The following ACACB variants were observed in gnomAD, a reference collection of about 807,000 sequenced individuals.
ACACB encodes the protein acetyl-CoA carboxylase beta.
A neutral mutation model predicts 278.8 loss-of-function variants in ACACB; 209 were observed. That is an observed-to-expected ratio of 0.75 (90% CI 0.67 to 0.84). The LOEUF (loss-of-function observed/expected upper bound fraction) is 0.84. Among genes scored for constraint, ACACB ranks in the 40% least tolerant of loss-of-function variants. ACACB has a pLI of 0.00. For missense variants in ACACB, 2,850 were observed against 3,269.0 expected, an observed-to-expected ratio of 0.87 and a Z score of 3.13; for synonymous variants, 1,174 against 1,285.6, an observed-to-expected ratio of 0.91 and a Z score of 1.86.
intron 6 of ACACB, among the ~76,000 whole-genome samples, chr12:109,172,606 A>G (rs2044156473): frequency 6.6e-6 from 1 of 152,220 alleles, no homozygotes; most frequent in Non-Finnish European, 1.5e-5. Flanking sequence ...TATGAAAAAA[A>G]GCTCAACATC....
intron 2 of ACACB, among the ~76,000 whole-genome samples, chr12:109,147,451 G>C (rs1199434317): frequency 6.9e-6 from 1 of 145,828 alleles, no homozygotes; most frequent in Non-Finnish European, 1.5e-5. Flanking sequence ...CACCATGTTG[G>C]CTAGGCTGGT....
chr12:109,208,017 T>A (rs2045571974), intron 20 of ACACB, among the ~76,000 whole-genome samples: 1 of 151,954 alleles, frequency 6.6e-6, no homozygotes, highest in South Asian at 2.1e-4. Flanking sequence ...AATCATTTCA[T>A]CCTCCCAGCA....
chr12:109,241,182 C>A lies in ACACB; in HGVS notation c.4923C>A (p.Thr1641=), dbSNP rs375839386. Residue 1641 remains threonine, a synonymous_variant, in exon 36 of 53, where the codon ACC becomes ACA. Coordinates refer to ENST00000338432, the MANE Select transcript of ACACB (RefSeq NM_001093.4). ...EVKINIRQTT[T]GSAVPIRLFI... ...AGATCAACATCCGCCAGACCACCACCGGCAGTGCCGTTCCCATCCGCCTGT... is the reference window on the plus strand; with the variant it reads ...AGATCAACATCCGCCAGACCACCACAGGCAGTGCCGTTCCCATCCGCCTGT... 3 of 1,614,044 alleles carry A rather than the reference C, an allele frequency of 1.9e-6. No homozygotes were observed. The African/African-American group carries it at 4.0e-5, about 22-fold the overall frequency.
chr12:109,227,441 C>T lies in ACACB; in HGVS notation c.3953C>T (p.Thr1318Ile), dbSNP rs755091102. 1.2e-6 allele frequency: 2 copies of T among 1,613,992 alleles called. No homozygotes were observed. The highest frequency in any genetic ancestry group is 2.2e-5 in the East Asian group (1 of 44,884). Residue 1318 changes from threonine (T) to isoleucine (I), a missense_variant, in exon 28 of 53, where the codon ACC (threonine) becomes ATC (isoleucine). This residue lies in a region of ACACB where 2,265 missense variants were observed against 2,561.3 expected (regional missense o/e 0.88). Transcript: ENST00000338432. ...SLQHRQLPDG[T>I]CVVEFQFMLP... ...CAGCACCGGCAGCTCCCGGACGGCA[C>T]CTGCGTGGTAGAATTCCAGTTCATG...
chr12:109,252,161 C>A lies in ACACB; in HGVS notation c.5901+5C>A. On this transcript the variant is annotated splice_donor_5th_base_variant and intron_variant, in intron 42 of 52. Coordinates refer to ENST00000338432, the MANE Select transcript of ACACB (RefSeq NM_001093.4). ...GGAGCAAGTGCTCTCAACAAGGTGA[C>A]CAAAAAGGGGCCTGTGCAGAGTGGA... 6.2e-7 allele frequency: 1 copy of A among 1,600,610 alleles called. No individual in the cohort carries two copies. Among genetic ancestry groups the A allele is most frequent in the South Asian group, 1.1e-5 (1 of 88,882 alleles).
chr12:109,123,180 C>T (rs1357772880), intron 1 of ACACB, among the ~76,000 whole-genome samples: 1 of 121,948 alleles, frequency 8.2e-6, no homozygotes, highest in Non-Finnish European at 1.7e-5. Context: ...GACTCCATCT[C>T]AAAAAAAAAA....
chr12:109,216,533 T>G (rs900892266), intron 22 of ACACB, 85 bp from the exon 23 acceptor site: 274 of 1,420,054 alleles, frequency 1.9e-4, no homozygotes, highest in Non-Finnish European at 2.5e-4. Flanking sequence ...CCTTTCTCTT[T>G]TTAAAAATCA....
At chr12:109,225,364 TTTTA>T (rs941863228) in intron 27 of ACACB, among the ~76,000 whole-genome samples, 78 of 152,342 alleles carry the variant, frequency 5.1e-4, no homozygotes, top group African/African-American at 1.7e-3. Context: ...TTTTGGGTTT[TTTTA>T]TTTGTTTTGT....
chr12:109,236,764 T>C (rs2046642187), intron 33 of ACACB, among the ~76,000 whole-genome samples: 1 of 152,052 alleles, frequency 6.6e-6, no homozygotes, highest in Admixed American at 6.5e-5. Flanking sequence ...TCAGTTTAGT[T>C]TCCAGTACTG....
At chr12:109,137,805 G>A (rs1210938220) in intron 1 of ACACB, among the ~76,000 whole-genome samples, 1 of 151,914 alleles carries the variant, frequency 6.6e-6, no homozygotes, top group Non-Finnish European at 1.5e-5. Context: ...AATTTTTTTT[G>A]AAATAGGGTC....
chr12:109,199,536 G>C lies in ACACB; in HGVS notation c.2762G>C (p.Ser921Thr), dbSNP rs1159716906. Residue 921 changes from serine to threonine, a missense_variant, in exon 18 of 53, where the codon AGC becomes ACC. Ser to Thr is a moderately conservative substitution (Grantham distance 58). Transcript: ENST00000338432. ...EDGGHVEAGS[S>T]YAEMEVMKMI... is the part of the protein sequence containing the mutation. ...GGGGGCCACGTTGAGGCTGGGAGCA[G>C]CTACGCTGAGATGGAGGTGACTGCA... 6.7e-7 allele frequency: 1 copy of C among 1,489,928 alleles called. No individual in the cohort carries two copies. Among genetic ancestry groups the C allele is most frequent in the Non-Finnish European group, 9.0e-7 (1 of 1,115,824 alleles). The allele number at this position is 1,489,928 out of a possible 1,614,324, so 92.3% of individuals were successfully genotyped here.
chr12:109,231,910 A>T (rs1053942285), intron 28 of ACACB, among the ~76,000 whole-genome samples: 1 of 152,210 alleles, frequency 6.6e-6, no homozygotes. Flanking sequence ...GGTGTTCAGC[A>T]TAAACCACAC....
At chr12:109,196,964 G>T (rs1481198532) in intron 16 of ACACB, 44 bp from the exon 17 acceptor site, 19 of 1,504,248 alleles carry the variant, frequency 1.3e-5, no homozygotes, top group Non-Finnish European at 8.8e-6. Context: ...TGCTCTGGGA[G>T]CACATCCTGA....
intron 41 of ACACB, among the ~76,000 whole-genome samples, chr12:109,250,759 G>A (rs2136749453): frequency 6.6e-6 from 1 of 152,258 alleles, no homozygotes; most frequent in South Asian, 2.1e-4. Context: ...ATGGGTCTAA[G>A]GCAGAGTGAG....
rs577079142 is a variant in ACACB, at chr12:109,230,475, T to TGTGACATATGTCACCCAG, written c.4002-2193_4002-2192insTGACATATGTCACCCAGG. Among the ~76,000 whole-genome samples the TGTGACATATGTCACCCAG allele has an allele frequency of 5.6e-3, 854 of 152,266 alleles. 6 individuals carry two copies. Among genetic ancestry groups the TGTGACATATGTCACCCAG allele is most frequent in the Non-Finnish European group, 8.6e-3 (586 of 68,008 alleles). On this transcript the variant is annotated intron_variant, in intron 28 of 52. Coordinates refer to ENST00000338432, the MANE Select transcript of ACACB (RefSeq NM_001093.4). ...TCTAGTTCTGTCACCCAGGCTAGAG[T>TGTGACATATGTCACCCAG]GCAGTGGTGTGATCATAGCTCACTA... is the stretch of plus-strand genomic sequence containing the variant.
In ACACB at chr12:109,156,811, T is replaced by C. The variant is rs116312639; in HGVS notation, c.654-10050T>C. On this transcript the variant is annotated intron_variant, in intron 2 of 52. Transcript: ENST00000338432. ...CGCCCTCCAGGAACTTCGGTTCCAT[T>C]GTGGAAGGCAGATGTCTTCTCAGTA... 4.8e-3 allele frequency among the ~76,000 whole-genome samples: 729 copies of C among 152,246 alleles called. 10 individuals carry two copies. Among genetic ancestry groups the C allele is most frequent in the African/African-American group, 0.017 (696 of 41,540 alleles).
chr12:109,201,494 C>T, intron 18 of ACACB, 73 bp from the exon 19 acceptor site: 2 of 1,575,362 alleles, frequency 1.3e-6, no homozygotes, highest in Middle Eastern at 1.7e-4. Flanking sequence ...CCTGCTCCGG[C>T]ATCACTAGTT....
At chr12:109,120,158 C>T (rs1004954423) in intron 1 of ACACB, among the ~76,000 whole-genome samples, 4 of 152,216 alleles carry the variant, frequency 2.6e-5, no homozygotes, top group African/African-American at 4.8e-5. Context: ...TATTTCCATA[C>T]TCCCCACAAA....
rs113524436 is a variant in ACACB at position 109,235,643 on chromosome 12, A to T, written c.4442A>T (p.Asp1481Val). 0.01 allele frequency: 16,174 copies of T among 1,612,034 alleles called. 102 individuals carry two copies. Among genetic ancestry groups the T allele is most frequent in the Non-Finnish European group, 0.012 (13,940 of 1,178,364 alleles). The change falls in exon 33 of 53, where the codon GAT becomes GTT. Residue 1481 changes from aspartate to valine, a missense_variant. This residue lies in a region of ACACB where 2,265 missense variants were observed against 2,561.3 expected (regional missense o/e 0.88). Transcript: ENST00000338432. ...AAGTTTTTCACATTCAGAGCAAGAG[A>T]TGAGGTATGGCCAAAAGTAATGATG... ...FPKFFTFRARDEFAEDRIYRH... is the reference protein window; with the variant it reads ...FPKFFTFRARVEFAEDRIYRH...
Sources: allele counts gnomAD v4.1 joint callset (sites outside exome capture counted in the v4.1 genomes callset), GRCh38; gene constraint gnomAD v4.1.1; regional missense constraint gnomAD v4.1.1; transcripts MANE v1.5; gene names NCBI Gene and HGNC (gene_info 2026-07-23, HGNC 2026-07-21).